The following PCSK2 variants were observed in gnomAD, a reference collection of about 807,000 sequenced individuals.
The protein encoded by PCSK2 is proprotein convertase subtilisin/kexin type 2.
Under a neutral mutation model 69.7 loss-of-function variants are expected in PCSK2, and 14 were observed. The ratio of observed to expected loss-of-function variants is 0.20; its 90% CI spans 0.13 to 0.31. PCSK2 has a LOEUF of 0.31. Ranked by LOEUF, PCSK2 falls within the 10% of genes least tolerant of loss-of-function variation. PCSK2 has a pLI of 1.00. For missense variants in PCSK2, 544 were observed against 842.5 expected (o/e 0.65, Z 4.39); for synonymous variants, 307 against 320.7 (o/e 0.96, Z 0.46).
At chr20:17,365,367 T>C (rs1439229663) in intron 4 of PCSK2, among the ~76,000 whole-genome samples, 1 of 152,214 alleles carries the variant, frequency 6.6e-6, no homozygotes, top group East Asian at 1.9e-4. Flanking sequence ...CAAAATACTA[T>C]TGCAACTAGG....
intron 6 of PCSK2, among the ~76,000 whole-genome samples, chr20:17,423,646 A>C (rs1201430753): frequency 1.2e-4 from 2 of 16,368 alleles, no homozygotes; most frequent in African/African-American, 2.6e-4. Context: ...CTTTTGTACA[A>C]AAAAAAAAGT....
intron 2 of PCSK2, among the ~76,000 whole-genome samples, chr20:17,330,407 C>T (rs1168830522): frequency 1.3e-5 from 2 of 152,040 alleles, no homozygotes; most frequent in Non-Finnish European, 2.9e-5. Flanking sequence ...GCCTGACCAA[C>T]ATGGCGAAAC....
intron 2 of PCSK2, among the ~76,000 whole-genome samples, chr20:17,285,743 C>T (rs1407975849): frequency 1.3e-5 from 2 of 152,162 alleles, no homozygotes; most frequent in Admixed American, 1.3e-4. Context: ...AATCATGAGC[C>T]ACCATTACTG....
chr20:17,278,736 T>C (rs1988190879), intron 2 of PCSK2, among the ~76,000 whole-genome samples: 1 of 151,774 alleles, frequency 6.6e-6, no homozygotes, highest in Non-Finnish European at 1.5e-5. Context: ...TATAAATAAA[T>C]AGATAAATAA....
chr20:17,280,272 G>A (rs1988257389), intron 2 of PCSK2, among the ~76,000 whole-genome samples: 1 of 152,210 alleles, frequency 6.6e-6, no homozygotes, highest in Middle Eastern at 3.4e-3. Flanking sequence ...TCTTATTAAT[G>A]ACTGCATAAG....
intron 2 of PCSK2, chr20:17,263,185 C>T (rs1987459302): frequency 1.0e-6 from 1 of 956,016 alleles, no homozygotes; most frequent in African/African-American, 1.8e-5. Context: ...TGACTTCAGA[C>T]CAGAAATTTC....
chr20:17,475,581 C>T (rs2033277015), intron 11 of PCSK2, among the ~76,000 whole-genome samples: 1 of 152,102 alleles, frequency 6.6e-6, no homozygotes, highest in Non-Finnish European at 1.5e-5. Flanking sequence ...TGATTCTTAG[C>T]CAATTGAAGA....
At chr20:17,336,320 C>G (rs1238577485) in intron 2 of PCSK2, among the ~76,000 whole-genome samples, 1 of 152,070 alleles carries the variant, frequency 6.6e-6, no homozygotes, top group Non-Finnish European at 1.5e-5. Context: ...TTATAAAAAC[C>G]TAGTCACTCA....
chr20:17,231,071 T>C (rs1986129342), intron 1 of PCSK2, among the ~76,000 whole-genome samples: 1 of 152,200 alleles, frequency 6.6e-6, no homozygotes, highest in Non-Finnish European at 1.5e-5. Context: ...AATTATTTAT[T>C]GAAGCAACCT....
chr20:17,336,173 A>G (rs1161859703), intron 2 of PCSK2, among the ~76,000 whole-genome samples: 6 of 152,196 alleles, frequency 3.9e-5, no homozygotes, highest in Non-Finnish European at 7.3e-5. Flanking sequence ...ATTGTAAAGT[A>G]TTTTGCATTT....
chr20:17,419,268 T>C (rs1308449219), intron 6 of PCSK2, among the ~76,000 whole-genome samples: 8 of 152,232 alleles, frequency 5.3e-5, no homozygotes, highest in African/African-American at 2.4e-5. Context: ...CGATTTGCTT[T>C]TGTTGGATTA....
At position 17,481,566 on chromosome 20, in the gene PCSK2, T is replaced by C. The variant is rs1600616149; in HGVS notation, c.1431-18T>C. 8 of 1,610,164 alleles carry C rather than the reference T, an allele frequency of 5.0e-6. No homozygotes were observed. In the East Asian group the frequency reaches 1.8e-4, roughly 36 times the overall value. On this transcript the variant is annotated intron_variant, in intron 11 of 11. Coordinates refer to ENST00000262545, the MANE Select transcript of PCSK2 (RefSeq NM_002594.5). ...ACCCACCACTGCTTATCCTATCTCCTCTTCACTCTGCCCTCAGGAAAATAC... is the reference window on the plus strand; with the variant it reads ...ACCCACCACTGCTTATCCTATCTCCCCTTCACTCTGCCCTCAGGAAAATAC...
chr20:17,414,847 C>G (rs529155596), intron 6 of PCSK2, among the ~76,000 whole-genome samples: 1 of 152,306 alleles, frequency 6.6e-6, no homozygotes, highest in Non-Finnish European at 1.5e-5. Flanking sequence ...ACGATCAAGT[C>G]AGCTTCATCC....
At chr20:17,250,674 C>T (rs1234174753) in intron 1 of PCSK2, among the ~76,000 whole-genome samples, 1 of 152,106 alleles carries the variant, frequency 6.6e-6, no homozygotes, top group Non-Finnish European at 1.5e-5. Flanking sequence ...GAAGAGTTTT[C>T]CCTGCACCTC....
intron 2 of PCSK2, among the ~76,000 whole-genome samples, chr20:17,300,997 A>G (rs1403535013): frequency 6.6e-6 from 1 of 152,228 alleles, no homozygotes; most frequent in East Asian, 1.9e-4. Context: ...AAGTATAAAA[A>G]GGATGAAAAG....
chr20:17,480,929 G>A (rs147612104), intron 11 of PCSK2, among the ~76,000 whole-genome samples: 1 of 152,172 alleles, frequency 6.6e-6, no homozygotes, highest in Non-Finnish European at 1.5e-5. Flanking sequence ...AGGAAGCCCA[G>A]GGGGAACACG....
chr20:17,233,280 G>A (rs1986210341), intron 1 of PCSK2, among the ~76,000 whole-genome samples: 1 of 152,190 alleles, frequency 6.6e-6, no homozygotes, highest in African/African-American at 2.4e-5. Flanking sequence ...AATAAATAAT[G>A]TAGTTAGTGC....
chr20:17,321,680 C>T (rs1260751955), intron 2 of PCSK2, among the ~76,000 whole-genome samples: 3 of 152,206 alleles, frequency 2.0e-5, no homozygotes, highest in Non-Finnish European at 4.4e-5. Flanking sequence ...AATTCACTCT[C>T]AACTGCTAGA....
At chr20:17,481,388 CAAAAAAAAAAAAA>C (rs3076146) in intron 11 of PCSK2, among the ~76,000 whole-genome samples, 183 bp from the exon 12 acceptor site, 12 of 65,724 alleles carry the variant, frequency 1.8e-4, no homozygotes, top group South Asian at 6.2e-4. Context: ...TCTCAAAAGA[CAAAAAAAAAAAAA>C]AAAAAAAAAA....
Sources: gnomAD v4.1 joint callset for allele counts (sites outside exome capture counted in the v4.1 genomes callset) on GRCh38, gnomAD v4.1.1 for gene constraint, MANE v1.5 for transcripts, NCBI Gene and HGNC (gene_info 2026-07-23, HGNC 2026-07-21) for gene names.